KLF8: variants seen among roughly 807,000 people sequenced by gnomAD.
KLF8 encodes KLF transcription factor 8.
Under a neutral mutation model 18.2 loss-of-function variants are expected in KLF8, and 10 were observed. The observed-to-expected ratio is 0.55, with a 90% CI of 0.34 to 0.93. The LOEUF (loss-of-function observed/expected upper bound fraction) is 0.93. KLF8 is among the 40% of genes least tolerant of loss of function. The pLI is 0.02. For missense variants in KLF8, 264 were observed against 277.9 expected, an observed-to-expected ratio of 0.95 and a Z score of 0.36; for synonymous variants, 109 against 97.3, an observed-to-expected ratio of 1.12 and a Z score of -0.71.
rs984735857 is a variant in KLF8 at position 56,283,104 on chromosome X, C to T, written c.899-1209C>T. On this transcript the variant is annotated intron_variant, in intron 5 of 5. Transcript: ENST00000468660. ...AAATGTATGGTGTGTGATCTATATA[C>T]CATAATGGGGTCATACTGCGTTAAT... Among the ~76,000 whole-genome samples, 3 of 111,520 alleles carry T rather than the reference C, an allele frequency of 2.7e-5. No homozygotes were observed. In the East Asian group the frequency reaches 8.5e-4, roughly 32 times the overall value.
the KLF8 span, among the ~76,000 whole-genome samples, chrX:56,188,286 T>A: frequency 1.8e-5 from 2 of 110,844 alleles, no homozygotes; most frequent in Admixed American, 9.6e-5. Flanking sequence ...TCAAAGAGAA[T>A]AAAATACCTA....
chrX:56,184,090 C>T, the KLF8 span, among the ~76,000 whole-genome samples: 7 of 112,606 alleles, frequency 6.2e-5, no homozygotes, highest in African/African-American at 1.6e-4. Flanking sequence ...ATGAGAAGCA[C>T]AAGGTGTCAG....
the KLF8 span, among the ~76,000 whole-genome samples, chrX:56,168,478 T>C: frequency 2.7e-5 from 3 of 112,396 alleles, no homozygotes; most frequent in East Asian, 2.8e-4. Context: ...TATGACCTTT[T>C]ACACATAAAC....
chrX:56,179,135 C>G, the KLF8 span, among the ~76,000 whole-genome samples: 1 of 111,706 alleles, frequency 9.0e-6, no homozygotes, highest in Non-Finnish European at 1.9e-5. Flanking sequence ...GTTCTATGTT[C>G]TTCCATTTGT....
chrX:55,952,677 G>T, the KLF8 span, among the ~76,000 whole-genome samples: 1 of 112,113 alleles, frequency 8.9e-6, no homozygotes, highest in East Asian at 2.8e-4. Context: ...GACATGTAAG[G>T]TAGCATATTC....
chrX:56,281,343 C>T (rs1375910242), intron 5 of KLF8, among the ~76,000 whole-genome samples: 1 of 111,887 alleles, frequency 8.9e-6, no homozygotes, highest in African/African-American at 3.2e-5. Context: ...CTAAAACCTG[C>T]CCATACCTCC....
At chrX:56,213,309 CTTTTCTTTT>C in the KLF8 span, among the ~76,000 whole-genome samples, 3 of 23,469 alleles carry the variant, frequency 1.3e-4, no homozygotes, top group Non-Finnish European at 2.4e-4. Flanking sequence ...CTTTTCTTTT[CTTTTCTTTT>C]TTTTTTTTTT....
At chrX:56,279,544 A>G (rs1207229927) in intron 5 of KLF8, among the ~76,000 whole-genome samples, 1 of 112,160 alleles carries the variant, frequency 8.9e-6, no homozygotes, top group African/African-American at 3.2e-5. Flanking sequence ...TGTTCTAATA[A>G]CTGATACTAG....
chrX:55,973,320 A>G, the KLF8 span, among the ~76,000 whole-genome samples: 1 of 112,177 alleles, frequency 8.9e-6, no homozygotes, highest in Non-Finnish European at 1.9e-5. Context: ...CAAAGACTCC[A>G]AAAGCAATAT....
the KLF8 span, among the ~76,000 whole-genome samples, chrX:56,155,314 A>G: frequency 9.0e-6 from 1 of 111,478 alleles, no homozygotes; most frequent in Non-Finnish European, 1.9e-5. Flanking sequence ...AGGGACATGC[A>G]TGAAGCTGGA....
chrX:55,941,475 C>T, the KLF8 span, among the ~76,000 whole-genome samples: 1 of 111,739 alleles, frequency 8.9e-6, no homozygotes, highest in Non-Finnish European at 1.9e-5. Flanking sequence ...GACTTCATGT[C>T]TAAAACACCA....
the KLF8 span, among the ~76,000 whole-genome samples, chrX:55,953,820 G>A: frequency 5.4e-5 from 6 of 110,562 alleles, no homozygotes; most frequent in Middle Eastern, 9.4e-3. Context: ...TATGTAAAGA[G>A]CAAAAACTAT....
chrX:56,067,662 G>C, the KLF8 span, among the ~76,000 whole-genome samples: 1 of 112,084 alleles, frequency 8.9e-6, no homozygotes, highest in African/African-American at 3.2e-5. Context: ...GAAAGAGTGA[G>C]TGAGAGCACC....
chrX:55,990,292 T>G, the KLF8 span, among the ~76,000 whole-genome samples: 76 of 111,992 alleles, frequency 6.8e-4, no homozygotes, highest in African/African-American at 2.3e-3. Flanking sequence ...ATTGTGATGT[T>G]AGGGTGTCAA....
chrX:55,960,171 C>G, the KLF8 span, among the ~76,000 whole-genome samples: 1 of 112,120 alleles, frequency 8.9e-6, no homozygotes, highest in Non-Finnish European at 1.9e-5. Context: ...AAATAAGATT[C>G]TTTTCATACA....
chrX:56,017,680 A>G, the KLF8 span, among the ~76,000 whole-genome samples: 2 of 111,488 alleles, frequency 1.8e-5, no homozygotes, highest in East Asian at 2.8e-4. Context: ...CTTAAGTGGA[A>G]TGGATATTTC....
chrX:56,152,131 GA>G, the KLF8 span, among the ~76,000 whole-genome samples: 2 of 111,765 alleles, frequency 1.8e-5, no homozygotes, highest in Non-Finnish European at 3.8e-5. Flanking sequence ...ACAGACATTT[GA>G]AAAGAATATA....
chrX:56,059,658 G>A, the KLF8 span, among the ~76,000 whole-genome samples: 2 of 111,606 alleles, frequency 1.8e-5, no homozygotes, highest in Non-Finnish European at 3.8e-5. Context: ...GAGAACAGAT[G>A]GTTGTAGACG....
chrX:56,102,866 G>C, the KLF8 span, among the ~76,000 whole-genome samples: 4 of 108,077 alleles, frequency 3.7e-5, no homozygotes, highest in Admixed American at 9.9e-5. Flanking sequence ...CTCGTCATTT[G>C]CATTAGGTAT....
Sources: allele counts gnomAD v4.1 joint callset (sites outside exome capture counted in the v4.1 genomes callset), GRCh38; gene constraint gnomAD v4.1.1; transcripts MANE v1.5; gene names NCBI Gene and HGNC (gene_info 2026-07-23, HGNC 2026-07-21).